Variants in GAP43 observed in about 807,000 individuals in gnomAD.
GAP43 encodes neuromodulin.
GAP43 carries 6 observed loss-of-function variants against 18.6 expected under a neutral mutation model. The ratio of observed to expected loss-of-function variants is 0.32; its 90% CI spans 0.18 to 0.64. GAP43 has a LOEUF of 0.64. Among genes scored for constraint, GAP43 ranks in the 30% least tolerant of loss-of-function variants. The pLI is 0.78. For missense variants in GAP43, 292 were observed against 295.5 expected, an observed-to-expected ratio of 0.99 and a Z score of 0.09; for synonymous variants, 115 against 111.4, an observed-to-expected ratio of 1.03 and a Z score of -0.20.
intron 2 of GAP43, among the ~76,000 whole-genome samples, chr3:115,704,135 G>T (rs1307159292): frequency 6.6e-6 from 1 of 152,044 alleles, no homozygotes; most frequent in Admixed American, 6.6e-5. Flanking sequence ...ATAATGCAAG[G>T]CTTTTTTGTT....
intron 2 of GAP43, among the ~76,000 whole-genome samples, chr3:115,692,882 T>C (rs948634296): frequency 2.0e-5 from 3 of 152,222 alleles, no homozygotes; most frequent in Non-Finnish European, 1.5e-5. Flanking sequence ...AACAATCTAC[T>C]TGTAGACTGA....
intron 1 of GAP43, among the ~76,000 whole-genome samples, chr3:115,643,284 A>G (rs1363343294): frequency 6.6e-6 from 1 of 152,078 alleles, no homozygotes; most frequent in Non-Finnish European, 1.5e-5. Context: ...GTCTGTGGCT[A>G]TGGTATCTAC....
intron 2 of GAP43, among the ~76,000 whole-genome samples, chr3:115,707,924 G>T (rs1472886910): frequency 6.6e-6 from 1 of 151,908 alleles, no homozygotes; most frequent in Non-Finnish European, 1.5e-5. Flanking sequence ...CGAGGTAATT[G>T]AGGTGACTTT....
intron 1 of GAP43, chr3:115,659,076 T>C (rs1403968351): frequency 1.3e-5 from 2 of 152,234 alleles, no homozygotes; most frequent in African/African-American, 2.4e-5. Context: ...CACTTTAGCA[T>C]TCTTCGGGCT....
intron 1 of GAP43, among the ~76,000 whole-genome samples, chr3:115,665,279 C>G (rs982203557): frequency 6.6e-6 from 1 of 152,098 alleles, no homozygotes; most frequent in South Asian, 2.1e-4. Flanking sequence ...AAATATAGAC[C>G]AATTTTGCTC....
chr3:115,644,377 G>T lies in GAP43; in HGVS notation c.30+20658G>T, dbSNP rs778231510. Among the ~76,000 whole-genome samples the T allele has an allele frequency of 2.6e-5, 4 of 151,900 alleles. No individual in the cohort carries two copies. Among genetic ancestry groups the T allele is most frequent in the Non-Finnish European group, 5.9e-5 (4 of 67,944 alleles). On this transcript the variant is annotated intron_variant, in intron 1 of 2. Transcript: ENST00000305124. This position sits in a 1 kb window ranked among gnomAD's most constrained non-coding sequence, Gnocchi z 4.2. ...TCAGGGTGATGAATGGGTGAGAGTGGGAGGAGTTCAAACACTGGTTGATAA... is the reference window on the plus strand; with the variant it reads ...TCAGGGTGATGAATGGGTGAGAGTGTGAGGAGTTCAAACACTGGTTGATAA...
At chr3:115,700,146 C>T (rs1042914026) in intron 2 of GAP43, among the ~76,000 whole-genome samples, 1 of 152,170 alleles carries the variant, frequency 6.6e-6, no homozygotes, top group African/African-American at 2.4e-5. Context: ...TTAATATAAA[C>T]AACTTTGCAG....
intron 2 of GAP43, among the ~76,000 whole-genome samples, chr3:115,679,487 C>T (rs796401376): frequency 3.3e-5 from 5 of 152,274 alleles, no homozygotes; most frequent in African/African-American, 1.2e-4. Context: ...TTTTACGTGC[C>T]TGGGACCAAA....
intron 2 of GAP43, among the ~76,000 whole-genome samples, chr3:115,693,657 G>A (rs1207067403): frequency 6.6e-6 from 1 of 152,048 alleles, no homozygotes; most frequent in East Asian, 1.9e-4. Context: ...TTCTGCTAGA[G>A]GTGAAAAAAC....
intron 2 of GAP43, among the ~76,000 whole-genome samples, chr3:115,677,925 C>T (rs1708914173): frequency 1.3e-5 from 2 of 152,154 alleles, no homozygotes; most frequent in African/African-American, 4.8e-5. Flanking sequence ...CTTCTTTCAT[C>T]GTATCCCTAA....
chr3:115,697,107 G>C (rs1269863956), intron 2 of GAP43, among the ~76,000 whole-genome samples: 1 of 151,982 alleles, frequency 6.6e-6, no homozygotes, highest in African/African-American at 2.4e-5. Flanking sequence ...CCAAAGTGCT[G>C]GGATTACAGG....
chr3:115,664,511 A>G (rs1169786770), intron 1 of GAP43, among the ~76,000 whole-genome samples: 2 of 152,188 alleles, frequency 1.3e-5, no homozygotes, highest in Admixed American at 1.3e-4. Context: ...TGATAAGAAA[A>G]CTGAAATTTA....
At chr3:115,699,659 C>G (rs1386801493) in intron 2 of GAP43, among the ~76,000 whole-genome samples, 3 of 152,192 alleles carry the variant, frequency 2.0e-5, no homozygotes, top group Non-Finnish European at 4.4e-5. Flanking sequence ...AGGGTGAAAA[C>G]CCCCAACTTG....
chr3:115,716,717 AATATATATATATATAT>A (rs3995850), intron 2 of GAP43, among the ~76,000 whole-genome samples: 518 of 43,910 alleles, frequency 0.012, 13 homozygotes, highest in Middle Eastern at 0.043. Flanking sequence ...ATCTCAGACA[AATATATATATATATAT>A]ATATATATAT....
chr3:115,698,050 T>TTATATAAAATATATATTATATATAA (rs1709223663), intron 2 of GAP43, among the ~76,000 whole-genome samples: 1 of 75,276 alleles, frequency 1.3e-5, no homozygotes, highest in African/African-American at 7.0e-5. Flanking sequence ...ATATTATATA[T>TTATATAAAATATATATTATATATAA]TATATAAAAT....
chr3:115,715,722 T>C (rs1310462645), intron 2 of GAP43, among the ~76,000 whole-genome samples: 1 of 152,222 alleles, frequency 6.6e-6, no homozygotes, highest in Non-Finnish European at 1.5e-5. Context: ...AGAAGACTTA[T>C]CAGGATTCTT....
intron 1 of GAP43, among the ~76,000 whole-genome samples, chr3:115,645,881 A>T (rs963883112): frequency 1.3e-5 from 2 of 152,084 alleles, no homozygotes; most frequent in Non-Finnish European, 2.9e-5. Context: ...GTAAAGTAGC[A>T]TGCAAACATA....
intron 1 of GAP43, among the ~76,000 whole-genome samples, chr3:115,671,947 ATT>A (rs1370384626): frequency 6.6e-6 from 1 of 152,204 alleles, no homozygotes; most frequent in Non-Finnish European, 1.5e-5. Context: ...GTTTAAGTGT[ATT>A]TTCAAAAGGA....
chr3:115,693,191 G>C (rs1709136512), intron 2 of GAP43, among the ~76,000 whole-genome samples: 1 of 152,184 alleles, frequency 6.6e-6, no homozygotes, highest in African/African-American at 2.4e-5. Context: ...CAGCCTCCAG[G>C]CTGGATTCAT....
Sources: allele counts gnomAD v4.1 joint callset (sites outside exome capture counted in the v4.1 genomes callset), GRCh38; gene constraint gnomAD v4.1.1; non-coding constraint Gnocchi (gnomAD v3.1); transcripts MANE v1.5; gene names NCBI Gene and HGNC (gene_info 2026-07-23, HGNC 2026-07-21).